Variants in NYAP2 observed in about 807,000 individuals in gnomAD.
NYAP2 encodes the protein neuronal tyrosine-phosphorylated phosphoinositide-3-kinase adaptor 2, also known as neuronal tyrosine-phosphorylated phosphoinositide-3-kinase adapter 2.
In NYAP2, 23 loss-of-function variants were observed where a neutral mutation model predicts 50.4. That is an observed-to-expected ratio of 0.46 (90% confidence interval 0.33 to 0.65). NYAP2 has a LOEUF of 0.65. NYAP2 is among the 30% of genes least tolerant of loss of function. NYAP2 has a pLI of 0.02. For synonymous variants in NYAP2, 394 were observed against 365.2 expected (o/e 1.08, Z -0.90); for missense variants, 885 against 861.0 (o/e 1.03, Z -0.35).
chr2:225,511,115 A>G (rs1690805293), intron 3 of NYAP2, among the ~76,000 whole-genome samples: 1 of 152,170 alleles, frequency 6.6e-6, no homozygotes. Flanking sequence ...AGACATTAGG[A>G]TGAAAAATAA....
intron 4 of NYAP2, among the ~76,000 whole-genome samples, chr2:225,531,036 C>T (rs1258475100): frequency 6.6e-6 from 1 of 152,248 alleles, no homozygotes; most frequent in Non-Finnish European, 1.5e-5. Context: ...ATCCCTATTA[C>T]TTTCAGAGAG....
At chr2:225,424,706 T>C (rs960689649) in intron 3 of NYAP2, among the ~76,000 whole-genome samples, 2 of 152,100 alleles carry the variant, frequency 1.3e-5, no homozygotes, top group Non-Finnish European at 2.9e-5. Context: ...ATTTATTCTA[T>C]TGTCTTCTGC....
chr2:225,580,521 C>G (rs537736479), intron 4 of NYAP2, among the ~76,000 whole-genome samples: 14 of 152,292 alleles, frequency 9.2e-5, no homozygotes, highest in African/African-American at 3.4e-4. Flanking sequence ...AGATTATGAA[C>G]CTTCCCCTCA....
downstream of NYAP2, among the ~76,000 whole-genome samples, chr2:225,656,803 C>G (rs988097418): frequency 6.6e-6 from 1 of 152,130 alleles, no homozygotes; most frequent in African/African-American, 2.4e-5. Flanking sequence ...TCCTCCAATG[C>G]CCAGCGCAAA....
chr2:225,451,351 TTTTC>T (rs1289582985), intron 3 of NYAP2, among the ~76,000 whole-genome samples: 1 of 152,176 alleles, frequency 6.6e-6, no homozygotes, highest in Non-Finnish European at 1.5e-5. Context: ...AATATTAATA[TTTTC>T]TTTATTTTAA....
chr2:225,410,751 C>T (rs1695024647), intron 3 of NYAP2, among the ~76,000 whole-genome samples: 1 of 152,028 alleles, frequency 6.6e-6, no homozygotes, highest in Non-Finnish European at 1.5e-5. Flanking sequence ...TTTAAAGATT[C>T]ATAGTTGTTA....
rs552587245 is a variant in NYAP2, at chr2:225,517,290, A to G, written c.523+3618A>G. Among the ~76,000 whole-genome samples, 39 of 152,288 alleles carry G rather than the reference A, an allele frequency of 2.6e-4. No homozygotes were observed. In the Middle Eastern group the frequency reaches 0.01, roughly 40 times the overall value. On this transcript the variant is annotated intron_variant, in intron 4 of 6. Transcript: ENST00000636099. ...GTGTGGTTCCTGCTTATTTTGAGGA[A>G]AGATTAGATGATCTAAAGGGGGTTA...
chr2:225,434,403 T>A (rs1488976725), intron 3 of NYAP2, among the ~76,000 whole-genome samples: 2 of 152,238 alleles, frequency 1.3e-5, no homozygotes, highest in Non-Finnish European at 2.9e-5. Flanking sequence ...GGACAAGAAC[T>A]GGCTGTTCTT....
intron 4 of NYAP2, among the ~76,000 whole-genome samples, chr2:225,519,824 T>G (rs540144624): frequency 2.0e-5 from 3 of 152,052 alleles, no homozygotes; most frequent in African/African-American, 4.8e-5. Flanking sequence ...ATTTCTAGTT[T>G]TAGATCCCTG....
intron 3 of NYAP2, among the ~76,000 whole-genome samples, chr2:225,413,335 C>A (rs1695076856): frequency 6.6e-6 from 1 of 151,972 alleles, no homozygotes; most frequent in Admixed American, 6.6e-5. Flanking sequence ...AAAAATAGGA[C>A]AGGAGGAGGA....
chr2:225,686,000 T>C, the NYAP2 span, among the ~76,000 whole-genome samples: 1 of 152,170 alleles, frequency 6.6e-6, no homozygotes, highest in Non-Finnish European at 1.5e-5. Context: ...TTTTATTTTC[T>C]TGTAGTTTTA....
intron 4 of NYAP2, among the ~76,000 whole-genome samples, chr2:225,523,752 G>A (rs1048219897): frequency 1.7e-4 from 26 of 151,932 alleles, no homozygotes; most frequent in Non-Finnish European, 5.9e-5. Flanking sequence ...GGCCTGAATA[G>A]CCAAAGCAAT....
exon 2 of NYAP2, chr2:225,401,029 G>A (rs1351397802): frequency 6.6e-6 from 1 of 152,508 alleles, no homozygotes; most frequent in Non-Finnish European, 1.5e-5. Flanking sequence ...GCTCTCCCTG[G>A]GGACTTAAAT....
downstream of NYAP2, among the ~76,000 whole-genome samples, chr2:225,657,772 C>T (rs978562410): frequency 6.6e-6 from 1 of 152,046 alleles, no homozygotes; most frequent in Non-Finnish European, 1.5e-5. Context: ...TCCTATAGAC[C>T]AGGGACATTT....
intron 5 of NYAP2, among the ~76,000 whole-genome samples, chr2:225,589,424 C>T (rs1051315191): frequency 6.7e-6 from 1 of 149,578 alleles, no homozygotes; most frequent in African/African-American, 2.5e-5. Context: ...AATCCCAACA[C>T]TTTGGGAGGC....
At chr2:225,654,410 C>T (rs756335576), downstream of NYAP2, among the ~76,000 whole-genome samples, 2 of 152,032 alleles carry the variant, frequency 1.3e-5, no homozygotes, top group African/African-American at 2.4e-5. Context: ...AGGCCAGGTG[C>T]GGTGGCTCAC....
At chr2:225,534,820 G>C (rs1033253087) in intron 4 of NYAP2, among the ~76,000 whole-genome samples, 3 of 152,160 alleles carry the variant, frequency 2.0e-5, no homozygotes, top group African/African-American at 4.8e-5. Context: ...AAGATACAAG[G>C]AGCAGCCACT....
At chr2:225,476,798 T>C (rs180974378) in intron 3 of NYAP2, among the ~76,000 whole-genome samples, 9 of 152,298 alleles carry the variant, frequency 5.9e-5, no homozygotes, top group African/African-American at 2.2e-4. Context: ...CCTAAGTAAC[T>C]TTAAGATACA....
intron 4 of NYAP2, among the ~76,000 whole-genome samples, chr2:225,559,706 T>G (rs1691840194): frequency 6.6e-6 from 1 of 152,046 alleles, no homozygotes; most frequent in Non-Finnish European, 1.5e-5. Flanking sequence ...ATTAAAATAT[T>G]AGATTGAAAT....
Sources: allele counts gnomAD v4.1 joint callset (sites outside exome capture counted in the v4.1 genomes callset), GRCh38; gene constraint gnomAD v4.1.1; transcripts MANE v1.5; gene names NCBI Gene and HGNC (gene_info 2026-07-23, HGNC 2026-07-21).